HYCC1: variants seen among roughly 807,000 people sequenced by gnomAD.
HYCC1 encodes hyccin.
At chr7:22,946,041 T>A in the HYCC1 span, 2 of 1,613,756 alleles carry the variant, frequency 1.2e-6, no homozygotes, top group Non-Finnish European at 1.7e-6. Context: ...GGCTTGTTAC[T>A]ACAATTGTGA....
the HYCC1 span, among the ~76,000 whole-genome samples, chr7:22,900,950 C>A: frequency 1.3e-5 from 2 of 151,962 alleles, no homozygotes; most frequent in African/African-American, 4.8e-5. Context: ...ACTGGCCTGG[C>A]ATGGTGGTTC....
the HYCC1 span, among the ~76,000 whole-genome samples, chr7:22,920,302 C>G: frequency 1.3e-5 from 2 of 151,910 alleles, no homozygotes; most frequent in South Asian, 4.2e-4. Context: ...CCACTGCACT[C>G]CAGCCTGAGT....
At chr7:22,996,205 A>T in the HYCC1 span, among the ~76,000 whole-genome samples, 1 of 151,682 alleles carries the variant, frequency 6.6e-6, no homozygotes, top group Non-Finnish European at 1.5e-5. Context: ...AGATAGAAGA[A>T]TCACTTGAAC....
chr7:22,929,420 G>A, the HYCC1 span, among the ~76,000 whole-genome samples: 291 of 152,174 alleles, frequency 1.9e-3, 2 homozygotes, highest in African/African-American at 6.7e-3. Flanking sequence ...CAAAATGGGA[G>A]AACATTTTTG....
the HYCC1 span, among the ~76,000 whole-genome samples, chr7:22,908,088 C>A: frequency 1.3e-5 from 2 of 152,128 alleles, no homozygotes; most frequent in African/African-American, 4.8e-5. Flanking sequence ...AGGATTAAGA[C>A]CTCTCTTGCC....
the HYCC1 span, among the ~76,000 whole-genome samples, chr7:22,897,609 G>A: frequency 6.6e-6 from 1 of 152,066 alleles, no homozygotes; most frequent in Non-Finnish European, 1.5e-5. Flanking sequence ...TAATAACAGT[G>A]TTAGCATTCT....
the HYCC1 span, among the ~76,000 whole-genome samples, chr7:22,991,690 T>A: frequency 1.2e-4 from 19 of 152,130 alleles, no homozygotes; most frequent in African/African-American, 3.6e-4. Flanking sequence ...AGACTGGGAT[T>A]TACTTAAGTA....
At chr7:22,979,278 G>C in the HYCC1 span, among the ~76,000 whole-genome samples, 1 of 151,828 alleles carries the variant, frequency 6.6e-6, no homozygotes, top group East Asian at 1.9e-4. Flanking sequence ...GTTTATAAAA[G>C]GTATAACAAA....
At chr7:22,905,784 ATATAT>A in the HYCC1 span, among the ~76,000 whole-genome samples, 1 of 152,208 alleles carries the variant, frequency 6.6e-6, no homozygotes, top group African/African-American at 2.4e-5. Context: ...TAAAAATGAA[ATATAT>A]TAAGTTACGG....
chr7:23,003,375 T>C, the HYCC1 span, among the ~76,000 whole-genome samples: 4 of 151,790 alleles, frequency 2.6e-5, no homozygotes, highest in Non-Finnish European at 5.9e-5. Context: ...CAGAAATGAG[T>C]GTGCCTTAAG....
the HYCC1 span, chr7:22,991,101 G>C: frequency 6.2e-7 from 1 of 1,610,570 alleles, no homozygotes; most frequent in Non-Finnish European, 8.5e-7. Context: ...CCCTTTCTCT[G>C]AAGTAAACAT....
chr7:22,900,529 GA>G, the HYCC1 span, among the ~76,000 whole-genome samples: 1 of 152,146 alleles, frequency 6.6e-6, no homozygotes, highest in African/African-American at 2.4e-5. Flanking sequence ...AAGCTTCCAG[GA>G]AAACCTTTGA....
chr7:22,957,048 TA>T, the HYCC1 span, among the ~76,000 whole-genome samples: 3 of 151,956 alleles, frequency 2.0e-5, no homozygotes, highest in African/African-American at 7.2e-5. Flanking sequence ...AGGATAGCTT[TA>T]AAATATTTTA....
the HYCC1 span, among the ~76,000 whole-genome samples, chr7:22,932,834 C>T: frequency 6.6e-6 from 1 of 152,102 alleles, no homozygotes; most frequent in African/African-American, 2.4e-5. Context: ...CTCAGAATTT[C>T]ACCTTATTTG....
chr7:22,913,570 A>T, the HYCC1 span, among the ~76,000 whole-genome samples: 1 of 152,198 alleles, frequency 6.6e-6, no homozygotes, highest in Non-Finnish European at 1.5e-5. Flanking sequence ...TTAACTGATG[A>T]CATTACCTTG....
At chr7:22,978,748 T>C in the HYCC1 span, among the ~76,000 whole-genome samples, 1 of 152,258 alleles carries the variant, frequency 6.6e-6, no homozygotes, top group African/African-American at 2.4e-5. Context: ...GATTGGTACA[T>C]AGGGGGGCTA....
the HYCC1 span, among the ~76,000 whole-genome samples, chr7:22,954,358 A>T: frequency 6.6e-6 from 1 of 151,202 alleles, no homozygotes; most frequent in Non-Finnish European, 1.5e-5. Flanking sequence ...TTTCTAAATC[A>T]ATAACCAGTT....
chr7:22,970,241 A>G, the HYCC1 span, among the ~76,000 whole-genome samples: 13 of 138,248 alleles, frequency 9.4e-5, no homozygotes, highest in Admixed American at 9.3e-4. Flanking sequence ...CAAATTGTTA[A>G]TGTTTTATAA....
the HYCC1 span, among the ~76,000 whole-genome samples, chr7:22,929,892 C>T: frequency 2.6e-5 from 4 of 152,028 alleles, no homozygotes; most frequent in African/African-American, 4.8e-5. Flanking sequence ...CACGTGCACA[C>T]GTATGTTTAT....
Sources: gnomAD v4.1 joint callset for allele counts (sites outside exome capture counted in the v4.1 genomes callset) on GRCh38, gnomAD v4.1.1 for gene constraint, MANE v1.5 for transcripts, NCBI Gene and HGNC (gene_info 2026-07-23, HGNC 2026-07-21) for gene names.